PRKD2: variants seen among roughly 807,000 people sequenced by gnomAD.
The protein encoded by PRKD2 is serine/threonine-protein kinase D2.
A neutral mutation model predicts 86.0 loss-of-function variants in PRKD2; 22 were observed. That is an observed-to-expected ratio of 0.26 (90% confidence interval 0.18 to 0.37). PRKD2 has a LOEUF of 0.37. Among genes scored for constraint, PRKD2 ranks in the 10% least tolerant of loss-of-function variants. PRKD2 has a pLI of 1.00. For missense variants in PRKD2, 818 were observed against 1,199.2 expected, an observed-to-expected ratio of 0.68 and a Z score of 4.70; for synonymous variants, 509 against 510.9, an observed-to-expected ratio of 1.00 and a Z score of 0.05.
intron 16 of PRKD2, 46 bp from the exon 17 acceptor site, chr19:46,675,164 ACTC>A (rs775983653): frequency 1.8e-5 from 28 of 1,529,982 alleles, no homozygotes; most frequent in Non-Finnish European, 2.4e-5. Context: ...GTCAAGGGTC[ACTC>A]CTCCTCCAAT....
Position 46,674,392 on chromosome 19 carries a change from GC to G in PRKD2, c.*130del. ...GAAACAGGGAGGGGCCTTGGAAATA[GC>G]TCCCCCCACCCCACTCCCCACGTGT... On this transcript the variant is annotated 3_prime_UTR_variant, in exon 18 of 18. Coordinates refer to ENST00000291281, the MANE Select transcript of PRKD2 (RefSeq NM_016457.5). 1 of 974,070 alleles carries G rather than the reference GC, an allele frequency of 1.0e-6. No homozygotes were observed. Among genetic ancestry groups the G allele is most frequent in the Non-Finnish European group, 1.5e-6 (1 of 677,334 alleles). The allele number at this position is 974,070 out of a possible 1,614,324, so 60.3% of individuals were successfully genotyped here. A position where few individuals can be genotyped will look rare whatever the true frequency, so the allele number is the denominator to read the frequency against.
intron 10 of PRKD2, among the ~76,000 whole-genome samples, chr19:46,692,419 T>C (rs1334721586): frequency 6.6e-6 from 1 of 151,932 alleles, no homozygotes; most frequent in Non-Finnish European, 1.5e-5. Flanking sequence ...ATTTCTAAAG[T>C]CCGATCCTTC....
Position 46,688,579 on chromosome 19 carries a change from G to T in PRKD2, c.1971+958C>A, listed in dbSNP as rs1407924276. ...AGCCTCCCAAGTAGCTATGATTACAGGTGCCTGCCACCATGCTCAGCTAAT... is the reference window on the plus strand; with the variant it reads ...AGCCTCCCAAGTAGCTATGATTACATGTGCCTGCCACCATGCTCAGCTAAT... On this transcript the variant is annotated intron_variant, in intron 14 of 17. Coordinates refer to ENST00000291281, the MANE Select transcript of PRKD2 (RefSeq NM_016457.5). 3.3e-5 allele frequency among the ~76,000 whole-genome samples: 5 copies of T among 151,724 alleles called. No homozygotes were observed. The East Asian group carries it at 9.7e-4, about 30-fold the overall frequency.
chr19:46,694,857 G>T (rs150861622), intron 9 of PRKD2, among the ~76,000 whole-genome samples: 114 of 151,256 alleles, frequency 7.5e-4, no homozygotes, highest in African/African-American at 2.7e-3. Context: ...TGGGCAGATG[G>T]CCCAGGAGTT....
intron 16 of PRKD2, among the ~76,000 whole-genome samples, chr19:46,675,737 G>A (rs1190743222): frequency 1.3e-5 from 2 of 151,720 alleles, no homozygotes; most frequent in South Asian, 2.1e-4. Flanking sequence ...GAGCCACTGC[G>A]CCCGGCCTAA....
chr19:46,698,569 G>C (rs193232511), intron 7 of PRKD2, among the ~76,000 whole-genome samples: 1 of 152,234 alleles, frequency 6.6e-6, no homozygotes, highest in Non-Finnish European at 1.5e-5. Flanking sequence ...TGTGGAGCCA[G>C]CTGTGTGACA....
intron 3 of PRKD2, among the ~76,000 whole-genome samples, chr19:46,708,508 G>T (rs965101973): frequency 6.6e-6 from 1 of 151,500 alleles, no homozygotes; most frequent in South Asian, 2.1e-4. Context: ...TTAGAGACGG[G>T]GTTTCACCAT....
intron 12 of PRKD2, 147 bp from the exon 13 acceptor site, chr19:46,690,853 A>C (rs1391973681): frequency 3.1e-6 from 2 of 655,334 alleles, no homozygotes; most frequent in African/African-American, 3.6e-5. Flanking sequence ...GATACGTGAA[A>C]AGGCCACCTG....
At chr19:46,691,099 G>C (rs1434736931) in intron 12 of PRKD2, among the ~76,000 whole-genome samples, 1 of 152,060 alleles carries the variant, frequency 6.6e-6, no homozygotes, top group Non-Finnish European at 1.5e-5. Context: ...GAGTGTAGAA[G>C]TTACCCTCCC....
intron 1 of PRKD2, 186 bp from the exon 2 acceptor site, chr19:46,714,187 A>G (rs952618088): frequency 7.5e-6 from 10 of 1,328,756 alleles, no homozygotes; most frequent in African/African-American, 4.5e-5. Context: ...CAGCGCCCCA[A>G]TTGTACGGGG....
At chr19:46,681,247 C>T (rs1209048937) in intron 15 of PRKD2, among the ~76,000 whole-genome samples, 3 of 148,624 alleles carry the variant, frequency 2.0e-5, no homozygotes, top group Admixed American at 1.3e-4. Context: ...TGAGCCACCG[C>T]ACCCAGTCTT....
chr19:46,711,185 C>T, intron 2 of PRKD2, 147 bp from the exon 3 acceptor site: 1 of 1,219,428 alleles, frequency 8.2e-7, no homozygotes, highest in South Asian at 1.5e-5. Flanking sequence ...CTACATTCTG[C>T]CTGGGTTCAA....
Position 46,693,438 on chromosome 19 carries a change from TTTG to T in PRKD2, c.1576+434_1576+436del, listed in dbSNP as rs1221414391. On this transcript the variant is annotated intron_variant, in intron 10 of 17. Coordinates refer to ENST00000291281, the MANE Select transcript of PRKD2 (RefSeq NM_016457.5). This position sits in a 1 kb window ranked among gnomAD's most constrained non-coding sequence, Gnocchi z 4.5. Reference sequence around the variant, plus strand: ...GCTTAACAGAGATTTGTTGTGGATTTTTGTTGTTGTTGTTTTTTCTGTTTTGGA... The same window carrying T: ...GCTTAACAGAGATTTGTTGTGGATTTTTGTTGTTGTTTTTTCTGTTTTGGA... 7.9e-5 allele frequency among the ~76,000 whole-genome samples: 12 copies of T among 152,146 alleles called. No individual in the cohort carries two copies. In the South Asian group the frequency reaches 1.7e-3, roughly 21 times the overall value.
intron 13 of PRKD2, 97 bp downstream of exon 13, chr19:46,690,503 A>G (rs1305235206): frequency 9.6e-7 from 1 of 1,046,716 alleles, no homozygotes; most frequent in Non-Finnish European, 1.5e-6. Context: ...CAACATGCAC[A>G]TGCCCTCCCC....
chr19:46,699,428 C>T (rs1161512290), intron 7 of PRKD2, among the ~76,000 whole-genome samples: 1 of 152,222 alleles, frequency 6.6e-6, no homozygotes, highest in Non-Finnish European at 1.5e-5. Flanking sequence ...TAGCTGTGTG[C>T]TTGAACACAG....
rs1327585751 is a variant in PRKD2, at chr19:46,683,578, C to CGTG, written c.1972-1833_1972-1831dup. Among the ~76,000 whole-genome samples, 8 of 151,846 alleles carry CGTG rather than the reference C, an allele frequency of 5.3e-5. No homozygotes were observed. In the South Asian group the frequency reaches 1.0e-3, roughly 20 times the overall value. On this transcript the variant is annotated intron_variant, in intron 14 of 17. Transcript: ENST00000291281. ...CTCTATTAAAAATACAAAAATTAGG[C>CGTG]GTGGTGGTGGGCGCCTGTAGTCCCA...
rs777594141 is a variant in PRKD2, at chr19:46,697,864, GGAAGGGGTGA to G, written c.1122-24_1122-15del. ...TACCCCAGGGAGCTGCGAAGGAAGAGGAAGGGGTGAGAAGTCACATGCAGAAAGTGACCAT... is the reference window on the plus strand; with the variant it reads ...TACCCCAGGGAGCTGCGAAGGAAGAGGAAGTCACATGCAGAAAGTGACCAT... On this transcript the variant is annotated splice_polypyrimidine_tract_variant and intron_variant, in intron 7 of 17. Coordinates refer to ENST00000291281, the MANE Select transcript of PRKD2 (RefSeq NM_016457.5). The G allele has an allele frequency of 6.3e-7, 1 of 1,599,754 alleles. No homozygotes were observed. The highest frequency in any genetic ancestry group is 1.1e-5 in the South Asian group (1 of 90,762).
chr19:46,700,803 G>C lies in PRKD2; in HGVS notation c.1117C>G (p.Gln373Glu). The change falls in exon 7 of 18, where the codon CAG becomes GAG. Residue 373 changes from glutamine (Q) to glutamate (E), a missense_variant. Gln to Glu is a conservative substitution (Grantham distance 29). Transcript: ENST00000291281. ...EEEEGEGGKAQSSLGYIPLMR... is the reference protein window; with the variant it reads ...EEEEGEGGKAESSLGYIPLMR... ...CTTGGAGGGTTCTGTGTATACCTCT[G>C]GGCCTTGCCTCCCTCGCCTTCCTCC... is the stretch of plus-strand genomic sequence containing the variant. 6.2e-7 allele frequency: 1 copy of C among 1,614,046 alleles called. No individual in the cohort carries two copies. Among genetic ancestry groups the C allele is most frequent in the Non-Finnish European group, 8.5e-7 (1 of 1,179,924 alleles).
At position 46,675,074 on chromosome 19, in the gene PRKD2, G is replaced by C; in HGVS notation, c.2383C>G (p.Arg795Gly). Residue 795 changes from arginine to glycine, a missense_variant, in exon 17 of 18, where the codon CGC becomes GGC. Physicochemically the swap from Arg to Gly is moderately radical, Grantham distance 125. Coordinates refer to ENST00000291281, the MANE Select transcript of PRKD2 (RefSeq NM_016457.5). ...CTGAGAGATTTGTCCACGCTGTAGC[G>C]TTTGCGCATCTTCACCTGCAGCAGG... Reference protein sequence around the residue: ...NNLLQVKMRKRYSVDKSLSHP... With the variant: ...NNLLQVKMRKGYSVDKSLSHP... The C allele has an allele frequency of 6.2e-7, 1 of 1,611,642 alleles. No homozygotes were observed. Among genetic ancestry groups the C allele is most frequent in the Non-Finnish European group, 8.5e-7 (1 of 1,178,784 alleles).
Sources: gnomAD v4.1 joint callset for allele counts (sites outside exome capture counted in the v4.1 genomes callset) on GRCh38, gnomAD v4.1.1 for gene constraint, Gnocchi (gnomAD v3.1) non-coding constraint, MANE v1.5 for transcripts, NCBI Gene and HGNC (gene_info 2026-07-23, HGNC 2026-07-21) for gene names.